Variants in PRKD1 observed in about 807,000 individuals in gnomAD.
PRKD1 encodes the protein serine/threonine-protein kinase D1.
Under a neutral mutation model 95.9 loss-of-function variants are expected in PRKD1, and 63 were observed. The ratio of observed to expected loss-of-function variants is 0.66; its 90% CI spans 0.54 to 0.81. The LOEUF is 0.81. Among genes scored for constraint, PRKD1 ranks in the 30% least tolerant of loss-of-function variants. PRKD1 has a pLI of 0.00. For synonymous variants in PRKD1, 425 were observed against 423.1 expected (o/e 1.00, Z -0.05); for missense variants, 1,048 against 1,165.3 (o/e 0.90, Z 1.47).
chr14:29,927,781 C>A lies in PRKD1; in HGVS notation c.-269G>T, dbSNP rs1039923370. 6.0e-6 allele frequency: 1 copy of A among 166,988 alleles called. No individual in the cohort carries two copies. The highest frequency in any genetic ancestry group is 1.3e-5 in the Non-Finnish European group (1 of 78,700). 10.3% of individuals were successfully genotyped at this position (166,988 alleles called of 1,614,324 possible). ...AACGCGGCAGCCGGCTCGGGGCCGC[C>A]GGCACTGGGGAGGCGCCGCCGCCGC... On this transcript the variant is annotated 5_prime_UTR_variant, in exon 1 of 18. Transcript: ENST00000331968.
chr14:29,594,429 C>A (rs1013103868), intron 16 of PRKD1, among the ~76,000 whole-genome samples: 3 of 152,156 alleles, frequency 2.0e-5, no homozygotes, highest in African/African-American at 7.2e-5. Flanking sequence ...ATTCTTGGCT[C>A]ACCCCACGCC....
chr14:29,676,055 C>G (rs934694092), intron 2 of PRKD1, among the ~76,000 whole-genome samples: 1 of 151,466 alleles, frequency 6.6e-6, no homozygotes, highest in South Asian at 2.1e-4. Context: ...GTGCAGCACA[C>G]CAACATGGCA....
intron 11 of PRKD1, among the ~76,000 whole-genome samples, chr14:29,627,295 C>T (rs1879691651): frequency 6.6e-6 from 1 of 152,132 alleles, no homozygotes; most frequent in Non-Finnish European, 1.5e-5. Flanking sequence ...AAGGTTGCTC[C>T]CTTATTAGTC....
chr14:29,756,665 G>A (rs1327753007), intron 1 of PRKD1, among the ~76,000 whole-genome samples: 1 of 152,194 alleles, frequency 6.6e-6, no homozygotes, highest in Admixed American at 6.5e-5. Context: ...AACAATGACA[G>A]TAGTCCCACC....
chr14:29,658,856 T>A (rs900105879), intron 4 of PRKD1, among the ~76,000 whole-genome samples: 1 of 152,252 alleles, frequency 6.6e-6, no homozygotes, highest in African/African-American at 2.4e-5. Context: ...CTCCATTTTC[T>A]TTTAATTGAC....
chr14:29,599,655 C>T lies in PRKD1; in HGVS notation c.2067+1G>A. 1 of 1,607,222 alleles carries T rather than the reference C, an allele frequency of 6.2e-7. No individual in the cohort carries two copies. The highest frequency in any genetic ancestry group is 8.5e-7 in the Non-Finnish European group (1 of 1,176,854). The stretch of plus-strand genomic sequence containing the variant: ...TTTTCCGTCTCTAATTGATTTCTTA[C>T]CTGAGTAATTAAAAACTTCGTTATG... On this transcript the variant is annotated splice_donor_variant, in intron 14 of 17. Coordinates refer to ENST00000331968, the MANE Select transcript of PRKD1 (RefSeq NM_002742.3). LOFTEE classifies it high-confidence loss of function.
intron 1 of PRKD1, among the ~76,000 whole-genome samples, chr14:29,825,357 T>G (rs1220783305): frequency 6.6e-6 from 1 of 152,156 alleles, no homozygotes; most frequent in African/African-American, 2.4e-5. Context: ...CTTGACAGAC[T>G]TTAAGACGTA....
intron 1 of PRKD1, among the ~76,000 whole-genome samples, chr14:29,775,075 GTT>G: frequency 6.6e-6 from 1 of 152,168 alleles, no homozygotes; most frequent in Middle Eastern, 3.4e-3. Context: ...AGGGTTCCTA[GTT>G]GGAAGCAGCA....
chr14:29,927,135 G>T, intron 1 of PRKD1, 114 bp downstream of exon 1: 1 of 1,163,746 alleles, frequency 8.6e-7, no homozygotes, highest in South Asian at 3.3e-5. Flanking sequence ...GCGCCGGCGA[G>T]GCTGGCGGCC....
At chr14:29,734,391 G>A (rs149687890) in intron 1 of PRKD1, among the ~76,000 whole-genome samples, 6 of 152,120 alleles carry the variant, frequency 3.9e-5, no homozygotes, top group African/African-American at 1.4e-4. Flanking sequence ...AAATTAATAT[G>A]AGCAGTTGGA....
chr14:29,855,533 GA>G (rs1376945985), intron 1 of PRKD1, among the ~76,000 whole-genome samples: 1 of 152,164 alleles, frequency 6.6e-6, no homozygotes, highest in Non-Finnish European at 1.5e-5. Flanking sequence ...TTTGGACTGT[GA>G]ACTTTGGAGT....
intron 1 of PRKD1, among the ~76,000 whole-genome samples, chr14:29,834,836 A>G (rs1459397867): frequency 6.6e-6 from 1 of 152,184 alleles, no homozygotes; most frequent in Non-Finnish European, 1.5e-5. Flanking sequence ...TGACTCATCC[A>G]TGTTAAGTAA....
chr14:29,801,766 G>A (rs1023805496), intron 1 of PRKD1, among the ~76,000 whole-genome samples: 1 of 152,054 alleles, frequency 6.6e-6, no homozygotes. Context: ...TCGGCTCATC[G>A]CAACCTCCGC....
At chr14:29,853,300 T>C (rs941413305) in intron 1 of PRKD1, among the ~76,000 whole-genome samples, 4 of 152,232 alleles carry the variant, frequency 2.6e-5, no homozygotes, top group Non-Finnish European at 5.9e-5. Flanking sequence ...ATAATGCACT[T>C]CTGTGCACCC....
intron 1 of PRKD1, among the ~76,000 whole-genome samples, chr14:29,772,042 C>A (rs1429174539): frequency 6.6e-6 from 1 of 152,190 alleles, no homozygotes; most frequent in African/African-American, 2.4e-5. Flanking sequence ...GCGAATCATA[C>A]AATGACTCTC....
chr14:29,622,741 C>T (rs562987841), intron 13 of PRKD1, among the ~76,000 whole-genome samples: 1 of 152,210 alleles, frequency 6.6e-6, no homozygotes, highest in South Asian at 2.1e-4. Flanking sequence ...GTAGCTGATA[C>T]TGTGTTGACA....
At chr14:29,884,774 G>T (rs1893636841) in intron 1 of PRKD1, among the ~76,000 whole-genome samples, 1 of 152,158 alleles carries the variant, frequency 6.6e-6, no homozygotes, top group African/African-American at 2.4e-5. Context: ...AGCAAGCAGC[G>T]AATTCTTCCC....
chr14:29,732,289 T>C (rs1031742813), intron 1 of PRKD1, among the ~76,000 whole-genome samples: 23 of 152,168 alleles, frequency 1.5e-4, no homozygotes, highest in Non-Finnish European at 2.2e-4. Context: ...GTTACTTTTT[T>C]TCCTTTTCTA....
In PRKD1 at chr14:29,714,913, A is replaced by G. The variant is rs1885523395; in HGVS notation, c.403+10623T>C. Among the ~76,000 whole-genome samples the G allele has an allele frequency of 2.0e-5, 3 of 152,246 alleles. No homozygotes were observed. The South Asian group carries it at 6.2e-4, about 32-fold the overall frequency. ...CATAAGTGGGAGTTGAACAGTGAGA[A>G]CACATGCACACAGGGAGGGGAACAA... On this transcript the variant is annotated intron_variant, in intron 2 of 17. Transcript: ENST00000331968.
Sources: gnomAD v4.1 joint callset for allele counts (sites outside exome capture counted in the v4.1 genomes callset) on GRCh38, gnomAD v4.1.1 for gene constraint, MANE v1.5 for transcripts, NCBI Gene and HGNC (gene_info 2026-07-23, HGNC 2026-07-21) for gene names.